Variants in LDB2 observed in about 807,000 individuals in gnomAD.
LDB2 encodes LIM domain-binding protein 2.
LDB2 carries 12 observed loss-of-function variants against 44.3 expected under a neutral mutation model. That is an observed-to-expected ratio of 0.27 (90% CI 0.17 to 0.44). LDB2 has a LOEUF of 0.44. Ranked by LOEUF, LDB2 falls within the 20% of genes least tolerant of loss-of-function variation. The probability of loss-of-function intolerance (pLI) is 1.00; values close to 1 mark genes in which losing one functional copy is unlikely to be tolerated. For missense variants in LDB2, 344 were observed against 473.5 expected (o/e 0.73, Z 2.54); for synonymous variants, 164 against 174.8 (o/e 0.94, Z 0.49).
At chr4:16,520,363 C>CA (rs1309417450) in intron 5 of LDB2, among the ~76,000 whole-genome samples, 2 of 151,850 alleles carry the variant, frequency 1.3e-5, no homozygotes, top group East Asian at 3.9e-4. Context: ...AACAGGCATC[C>CA]ACATGACTAA....
chr4:16,686,853 C>T lies in LDB2; in HGVS notation c.235+72305G>A, dbSNP rs372266823. On this transcript the variant is annotated intron_variant, in intron 2 of 7. Coordinates refer to ENST00000304523, the MANE Select transcript of LDB2 (RefSeq NM_001290.5). Reference sequence around the variant, plus strand: ...TCTTTGTTTTTAATGCATATCCTTGCTCTTGCTACAAATCATAATTTTGGT... The same window carrying T: ...TCTTTGTTTTTAATGCATATCCTTGTTCTTGCTACAAATCATAATTTTGGT... 4.7e-4 allele frequency among the ~76,000 whole-genome samples: 71 copies of T among 152,246 alleles called. 1 individual carries two copies. The highest frequency in any genetic ancestry group is 1.6e-3 in the African/African-American group (67 of 41,550).
intron 1 of LDB2, among the ~76,000 whole-genome samples, chr4:16,815,083 A>G (rs905830998): frequency 2.0e-5 from 3 of 152,258 alleles, no homozygotes; most frequent in African/African-American, 7.2e-5. Context: ...ATCACAAAGC[A>G]GGAGAGCATG....
chr4:16,705,565 C>A (rs1387545694), intron 2 of LDB2, among the ~76,000 whole-genome samples: 3 of 152,262 alleles, frequency 2.0e-5, no homozygotes, highest in East Asian at 3.9e-4. Context: ...AGCCTGCCTG[C>A]GCTTAGTACA....
chr4:16,568,362 C>T (rs1201292865), intron 5 of LDB2, among the ~76,000 whole-genome samples: 1 of 152,120 alleles, frequency 6.6e-6, no homozygotes, highest in Non-Finnish European at 1.5e-5. Flanking sequence ...TGAAATATTA[C>T]TGAAAACTCA....
At chr4:16,828,166 G>C (rs1783400235) in intron 1 of LDB2, among the ~76,000 whole-genome samples, 1 of 152,260 alleles carries the variant, frequency 6.6e-6, no homozygotes, top group South Asian at 2.1e-4. Context: ...TATGCCATCT[G>C]TTAGCAGGAT....
intron 1 of LDB2, among the ~76,000 whole-genome samples, chr4:16,871,621 CT>C (rs369989468): frequency 3.0e-4 from 37 of 124,792 alleles, no homozygotes; most frequent in Admixed American, 7.6e-4. Context: ...ACCACTCTTT[CT>C]TTTTTTTTTT....
intron 2 of LDB2, among the ~76,000 whole-genome samples, chr4:16,709,800 T>C (rs916866345): frequency 6.6e-6 from 1 of 152,148 alleles, no homozygotes; most frequent in Non-Finnish European, 1.5e-5. Context: ...GTGAGAATAA[T>C]CCCAGAGGGA....
intron 5 of LDB2, among the ~76,000 whole-genome samples, chr4:16,583,520 A>G (rs1163786522): frequency 6.6e-6 from 1 of 152,208 alleles, no homozygotes; most frequent in African/African-American, 2.4e-5. Context: ...ATCTTAAGGC[A>G]ACTTTATACA....
At chr4:16,607,576 C>A (rs1213901631) in intron 2 of LDB2, among the ~76,000 whole-genome samples, 1 of 152,216 alleles carries the variant, frequency 6.6e-6, no homozygotes, top group Non-Finnish European at 1.5e-5. Context: ...TGGGCAGTTG[C>A]AAATATTAAT....
chr4:16,861,329 T>C (rs1712468351), intron 1 of LDB2, among the ~76,000 whole-genome samples: 1 of 152,168 alleles, frequency 6.6e-6, no homozygotes, highest in African/African-American at 2.4e-5. Context: ...GTTCATGCTG[T>C]AGGGGACTGT....
chr4:16,734,708 T>C (rs28620882), intron 2 of LDB2, among the ~76,000 whole-genome samples: 6,722 of 42,416 alleles, frequency 0.16, 331 homozygotes, highest in African/African-American at 0.35. Flanking sequence ...GTTTTCTTTT[T>C]TTTTTTTTTT....
intron 1 of LDB2, among the ~76,000 whole-genome samples, chr4:16,846,908 C>T (rs774266340): frequency 9.9e-5 from 15 of 152,156 alleles, no homozygotes; most frequent in Admixed American, 3.3e-4. Context: ...AGTCATCAAG[C>T]GGATGTTTGT....
chr4:16,879,018 G>C (rs1007696187), intron 1 of LDB2, among the ~76,000 whole-genome samples: 2 of 152,176 alleles, frequency 1.3e-5, no homozygotes, highest in Non-Finnish European at 2.9e-5. Context: ...GTTAGTATGA[G>C]TTTTTAATTG....
intron 2 of LDB2, among the ~76,000 whole-genome samples, chr4:16,714,596 G>A (rs1298956321): frequency 6.6e-6 from 1 of 152,052 alleles, no homozygotes; most frequent in Non-Finnish European, 1.5e-5. Flanking sequence ...GCCCAGCCTG[G>A]TAGTTTCCTG....
intron 5 of LDB2, 90 bp from the exon 6 acceptor site, chr4:16,512,194 T>G (rs763424580): frequency 7.6e-5 from 91 of 1,192,176 alleles, no homozygotes; most frequent in Non-Finnish European, 9.6e-5. Flanking sequence ...AGTAGACAGC[T>G]TTGAGAATAC....
chr4:16,833,963 T>C (rs1303765960), intron 1 of LDB2, among the ~76,000 whole-genome samples: 2 of 152,232 alleles, frequency 1.3e-5, no homozygotes, highest in Non-Finnish European at 2.9e-5. Flanking sequence ...TCTTACCCAA[T>C]GTCCATGGTT....
At chr4:16,614,166 G>A (rs1200583493) in intron 2 of LDB2, among the ~76,000 whole-genome samples, 5 of 152,134 alleles carry the variant, frequency 3.3e-5, no homozygotes, top group Non-Finnish European at 5.9e-5. Context: ...AAGCAATGGG[G>A]AAAGGATATC....
chr4:16,569,448 AAGG>A (rs1170027729), intron 5 of LDB2, among the ~76,000 whole-genome samples: 1 of 152,220 alleles, frequency 6.6e-6, no homozygotes, highest in Non-Finnish European at 1.5e-5. Flanking sequence ...AACAAATTTT[AAGG>A]AGATCAGAGC....
rs960584851 is a variant in LDB2, at chr4:16,754,387, T to C, written c.235+4771A>G. On this transcript the variant is annotated intron_variant, in intron 2 of 7. Coordinates refer to ENST00000304523, the MANE Select transcript of LDB2 (RefSeq NM_001290.5). ...TAAGTCCTGCCCAGTGGGAAGCCTT[T>C]TCAATGCATAGAAGCTATGGTGAGG... Among the ~76,000 whole-genome samples, 6 of 152,234 alleles carry C rather than the reference T, an allele frequency of 3.9e-5. No homozygotes were observed. In the South Asian group the frequency reaches 1.2e-3, roughly 31 times the overall value.
Sources: gnomAD v4.1 joint callset for allele counts (sites outside exome capture counted in the v4.1 genomes callset) on GRCh38, gnomAD v4.1.1 for gene constraint, MANE v1.5 for transcripts, NCBI Gene and HGNC (gene_info 2026-07-23, HGNC 2026-07-21) for gene names.